The following NXF3 variants were observed in gnomAD, a reference collection of about 807,000 sequenced individuals.
The protein encoded by NXF3 is TAP-like protein 3.
NXF3 carries 34 observed loss-of-function variants against 48.4 expected under a neutral mutation model. The ratio of observed to expected loss-of-function variants is 0.70; its 90% confidence interval spans 0.53 to 0.93. NXF3 has a LOEUF of 0.93. Ranked by LOEUF, NXF3 falls within the 40% of genes least tolerant of loss-of-function variation. NXF3 has a pLI of 0.00. For synonymous variants in NXF3, 132 were observed against 145.7 expected (o/e 0.91, Z 0.68); for missense variants, 359 against 406.1 (o/e 0.88, Z 1.00).
intron 7 of NXF3, 58 bp downstream of exon 7, chrX:103,082,946 C>T (rs754595899): frequency 1.1e-4 from 122 of 1,149,594 alleles, no homozygotes; most frequent in Non-Finnish European, 1.4e-4. Context: ...CCGTAAGTCT[C>T]CATCTCACAC....
At chrX:103,080,116 A>C in intron 11 of NXF3, 32 bp downstream of exon 11, 1 of 1,207,968 alleles carries the variant, frequency 8.3e-7, no homozygotes, top group South Asian at 1.8e-5. Flanking sequence ...CCCCTTCCTC[A>C]TGCACCACCC....
intron 13 of NXF3, 50 bp from the exon 14 acceptor site, chrX:103,079,692 C>T (rs367967044): frequency 8.4e-7 from 1 of 1,186,763 alleles, no homozygotes; most frequent in African/African-American, 1.7e-5. Context: ...GTGCAGGCAT[C>T]TCCAGGAGCT....
chrX:103,077,016 T>C (rs1921886289), intron 18 of NXF3, among the ~76,000 whole-genome samples: 1 of 111,181 alleles, frequency 9.0e-6, no homozygotes, highest in Admixed American at 9.6e-5. Flanking sequence ...CCTAAAATGA[T>C]TGAGACTTGT....
At chrX:103,079,731 C>T in intron 13 of NXF3, 32 bp downstream of exon 13, 1 of 1,197,782 alleles carries the variant, frequency 8.3e-7, no homozygotes, top group African/African-American at 1.7e-5. Context: ...AGTCACATGG[C>T]CCTGGACCAG....
chrX:103,084,725 G>A lies in NXF3; in HGVS notation c.187C>T (p.Pro63Ser), dbSNP rs766128711. 2 of 1,211,347 alleles carry A rather than the reference G, an allele frequency of 1.7e-6. No homozygotes were observed. Among genetic ancestry groups the A allele is most frequent in the South Asian group, 3.5e-5 (2 of 56,925 alleles). ...CTACTGGTCACTTACTATCTTACTG[G>A]AGAGTCCATGTGGGCACCATGCATT... ...AAMHGAHMDSPVRYTPYTISP... is the reference protein window; with the variant it reads ...AAMHGAHMDSSVRYTPYTISP... The change falls in exon 2 of 20, where the codon CCA (proline) becomes TCA (serine). Residue 63 changes from proline (P) to serine (S), a missense_variant. Pro to Ser is a moderately conservative substitution (Grantham distance 74). Transcript: ENST00000395065.
chrX:103,092,372 A>G (rs1922299664), intron 1 of NXF3, among the ~76,000 whole-genome samples: 1 of 111,871 alleles, frequency 8.9e-6, no homozygotes, highest in Non-Finnish European at 1.9e-5. Context: ...ATACAAAAAA[A>G]AAGAAATTCT....
chrX:103,079,176 A>T, intron 16 of NXF3, 45 bp downstream of exon 16: 1 of 1,138,493 alleles, frequency 8.8e-7, no homozygotes, highest in South Asian at 1.8e-5. Context: ...AGCCAGGGGG[A>T]GGGAGGAGTG....
intron 14 of NXF3, 50 bp downstream of exon 14, chrX:103,079,534 T>C (rs765037736): frequency 1.7e-6 from 2 of 1,185,360 alleles, no homozygotes; most frequent in African/African-American, 3.5e-5. Flanking sequence ...TGTGTGATTG[T>C]TCCTGTCACA....
Position 103,078,604 on chromosome X carries a change from G to A in NXF3, c.1407C>T (p.Leu469=), listed in dbSNP as rs148623328. ...EVEGQSQGSV[L]AFTRTFIATP... ...TAGCAATGAAGGTCCGGGTGAAGGC[G>A]AGAACAGAACCCTGAGACTGTCCTT... Residue 469 remains leucine (L), a synonymous_variant, in exon 17 of 20, where the codon CTC becomes CTT. Transcript: ENST00000395065. The A allele has an allele frequency of 2.1e-4, 257 of 1,210,507 alleles. No homozygotes were observed. The African/African-American group carries it at 3.9e-3, about 18-fold the overall frequency.
At position 103,079,592 on chromosome X, in the gene NXF3, T is replaced by C; in HGVS notation, c.1211A>G (p.Lys404Arg). The C allele has an allele frequency of 8.3e-7, 1 of 1,210,662 alleles. No homozygotes were observed. The highest frequency in any genetic ancestry group is 1.1e-6 in the Non-Finnish European group (1 of 894,552). The change falls in exon 14 of 20, where the codon AAG becomes AGG. Residue 404 changes from lysine to arginine, a missense_variant. Physicochemically the swap from Lys to Arg is conservative, Grantham distance 26. Coordinates refer to ENST00000395065, the MANE Select transcript of NXF3 (RefSeq NM_022052.2). ...FKDSRNIKIL[K>R]DPYLRGELLK... is the part of the protein sequence containing the mutation. The stretch of plus-strand genomic sequence containing the variant: ...CTCCATCACACACTTACAGGGGTCC[T>C]TGAGAATTTTTATATTCCTGCTATC...
chrX:103,092,873 GC>G lies in NXF3; in HGVS notation c.28+122del, dbSNP rs1716606271. The stretch of plus-strand genomic sequence containing the variant: ...GACTCAGGCCTGGGCCCTTGCCACT[GC>G]CCACCCCCATCTAAAGGGAGATTGG... On this transcript the variant is annotated intron_variant, in intron 1 of 19. Transcript: ENST00000395065. 4.5e-5 allele frequency: 33 copies of G among 727,618 alleles called. No individual in the cohort carries two copies. The South Asian group carries it at 8.2e-4, about 18-fold the overall frequency. 60.0% of individuals were successfully genotyped at this position (727,618 alleles called of 1,213,427 possible). A position where few individuals can be genotyped will look rare whatever the true frequency, so the allele number is the denominator to read the frequency against.
rs1368602590 is a variant in NXF3 at position 103,089,009 on chromosome X, G to A, written c.28+3987C>T. The A allele has an allele frequency of 6.0e-6, 7 of 1,163,821 alleles. No homozygotes were observed. The Admixed American group carries it at 1.1e-4, about 18-fold the overall frequency. On this transcript the variant is annotated intron_variant, in intron 1 of 19. Coordinates refer to ENST00000395065, the MANE Select transcript of NXF3 (RefSeq NM_022052.2). ...AGCCCTGTCTTCCTAATGTACTTTTGGAATCAGAGCAAAGCCATCCTTTTT... is the reference window on the plus strand; with the variant it reads ...AGCCCTGTCTTCCTAATGTACTTTTAGAATCAGAGCAAAGCCATCCTTTTT...
chrX:103,076,430 G>A lies in NXF3; in HGVS notation c.1585-129C>T, dbSNP rs1054288770. 1.1e-5 allele frequency: 8 copies of A among 699,867 alleles called. No individual in the cohort carries two copies. In the East Asian group the frequency reaches 2.7e-4, roughly 24 times the overall value. The allele number at this position is 699,867 out of a possible 1,213,427, so 57.7% of individuals were successfully genotyped here. On this transcript the variant is annotated intron_variant, in intron 18 of 19. Transcript: ENST00000395065. Reference sequence around the variant, plus strand: ...TTTCTGGAATTTATTGCAGCAGAAGGAACCCTGTGAAAAGCCAAATGTCTA... The same window carrying A: ...TTTCTGGAATTTATTGCAGCAGAAGAAACCCTGTGAAAAGCCAAATGTCTA...
chrX:103,082,032 C>T (rs1922026999), intron 9 of NXF3: 1 of 406,435 alleles, frequency 2.5e-6, no homozygotes, highest in African/African-American at 2.5e-5. Flanking sequence ...TGGGTGGAGA[C>T]AGGTGGGAAA....
chrX:103,079,786 G>A lies in NXF3; in HGVS notation c.1137C>T (p.Pro379=), dbSNP rs759040874. The change falls in exon 13 of 20, where the codon CCC becomes CCT. Residue 379 remains proline (P), a synonymous_variant. Transcript: ENST00000395065. ...ACGGGGCTGAGTCCTCAGGATTGAAGGGAATGCTCAGGGAGAAGCAGGCCT... is the reference window on the plus strand; with the variant it reads ...ACGGGGCTGAGTCCTCAGGATTGAAAGGAATGCTCAGGGAGAAGCAGGCCT... ...HDEACFSLSI[P]FNPEDSAPSS... 33 of 1,209,035 alleles carry A rather than the reference G, an allele frequency of 2.7e-5. No individual in the cohort carries two copies. Among genetic ancestry groups the A allele is most frequent in the Non-Finnish European group, 3.1e-5 (28 of 894,717 alleles).
intron 8 of NXF3, 147 bp from the exon 9 acceptor site, chrX:103,082,511 ACTAT>A (rs893554254): frequency 8.4e-6 from 4 of 475,689 alleles, no homozygotes; most frequent in African/African-American, 4.8e-5. Context: ...TCTTCAAAGA[ACTAT>A]CTGAGTATTA....
At chrX:103,087,752 C>T in intron 1 of NXF3, 3 of 963,116 alleles carry the variant, frequency 3.1e-6, no homozygotes, top group Non-Finnish European at 4.4e-6. Context: ...TGGTCAGAGG[C>T]CTTTTAAATG....
intron 18 of NXF3, among the ~76,000 whole-genome samples, chrX:103,077,395 C>T (rs986525094): frequency 1.8e-5 from 2 of 110,025 alleles, no homozygotes; most frequent in Admixed American, 9.7e-5. Context: ...GGACTACAGG[C>T]GCCCGCCACC....
intron 1 of NXF3, among the ~76,000 whole-genome samples, chrX:103,090,696 G>A (rs1922252347): frequency 9.0e-6 from 1 of 111,361 alleles, no homozygotes; most frequent in Non-Finnish European, 1.9e-5. Flanking sequence ...GAGGCGGGAG[G>A]GATAGAAGGT....
Sources: allele counts gnomAD v4.1 joint callset (sites outside exome capture counted in the v4.1 genomes callset), GRCh38; gene constraint gnomAD v4.1.1; transcripts MANE v1.5; gene names NCBI Gene and HGNC (gene_info 2026-07-23, HGNC 2026-07-21).